The following OR4K1 variants were observed in gnomAD, a reference collection of about 807,000 sequenced individuals.
OR4K1 encodes olfactory receptor family 4 subfamily K member 1, also known as olfactory receptor 4K1.
Under a neutral mutation model 14.4 loss-of-function variants are expected in OR4K1, and 16 were observed. The ratio of observed to expected loss-of-function variants is 1.11; its 90% CI spans 0.75 to 1.68. The LOEUF (loss-of-function observed/expected upper bound fraction) is 1.68, where lower values mean the gene tolerates loss of function less well. OR4K1 is among the 40% of genes most tolerant of loss of function. The probability of loss-of-function intolerance (pLI) is 0.00; values close to 1 mark genes in which losing one functional copy is unlikely to be tolerated. For missense variants in OR4K1, 548 were observed against 376.9 expected (o/e 1.45, Z -3.76); for synonymous variants, 181 against 133.1 (o/e 1.36, Z -2.48).
upstream of OR4K1, among the ~76,000 whole-genome samples, chr14:19,929,992 T>C (rs1019823036): frequency 1.3e-5 from 2 of 152,210 alleles, no homozygotes; most frequent in Non-Finnish European, 2.9e-5. Flanking sequence ...TCGAACATAA[T>C]TTTACAATCT....
the OR4K1 span, chr14:19,921,777 TC>T: frequency 7.0e-6 from 4 of 569,402 alleles, no homozygotes; most frequent in East Asian, 1.5e-4. Context: ...GATTACTGGT[TC>T]TAGAAATAAA....
rs1882336483 is a variant in OR4K1 at position 19,936,655 on chromosome 14, A to T, written c.*53A>T. ...AATTAGAATGAAGACCCTCCAGTGT[A>T]TCATAGTGTCATGCCAACCATCTTT... On this transcript the variant is annotated 3_prime_UTR_variant, in exon 2 of 2. Coordinates refer to ENST00000641172, the MANE Select transcript of OR4K1 (RefSeq NM_001004063.3). 9 of 1,472,548 alleles carry T rather than the reference A, an allele frequency of 6.1e-6. No individual in the cohort carries two copies. The South Asian group carries it at 1.1e-4, about 18-fold the overall frequency. 91.2% of individuals were successfully genotyped at this position (1,472,548 alleles called of 1,614,324 possible).
intron 1 of OR4K1, among the ~76,000 whole-genome samples, chr14:19,933,822 T>C (rs1289456860): frequency 6.6e-6 from 1 of 152,186 alleles, no homozygotes; most frequent in Non-Finnish European, 1.5e-5. Flanking sequence ...CCTGACCTCG[T>C]GATCTGCCCA....
At chr14:19,921,724 C>A in the OR4K1 span, 2 of 862,854 alleles carry the variant, frequency 2.3e-6, no homozygotes, top group East Asian at 2.9e-5. Context: ...TTCTAGGTAT[C>A]AAGTGAAAGT....
rs1882175299 is a variant in OR4K1 at position 19,931,142 on chromosome 14, A to G, written c.-23A>G. 1 of 152,326 alleles carries G rather than the reference A, an allele frequency of 6.6e-6. No homozygotes were observed. Among genetic ancestry groups the G allele is most frequent in the South Asian group, 2.1e-4 (1 of 4,836 alleles). 9.4% of individuals were successfully genotyped at this position (152,326 alleles called of 1,614,324 possible). On this transcript the variant is annotated 5_prime_UTR_variant, in exon 1 of 2. Transcript: ENST00000641172. ...GTGAAAGACTTGGACAACTTTTTCA[A>G]AGTGTAAGTATTATACATTCATTGT...
At chr14:19,930,410 G>C (rs1010051455), upstream of OR4K1, among the ~76,000 whole-genome samples, 1 of 152,210 alleles carries the variant, frequency 6.6e-6, no homozygotes, top group East Asian at 1.9e-4. Context: ...TTTTGGGAAA[G>C]AAATTTATAT....
chr14:19,928,427 T>C (rs1299350385), upstream of OR4K1, among the ~76,000 whole-genome samples: 1 of 152,222 alleles, frequency 6.6e-6, no homozygotes, highest in Non-Finnish European at 1.5e-5. Context: ...TCTTCTTCTG[T>C]GACTTCAATT....
intron 1 of OR4K1, among the ~76,000 whole-genome samples, chr14:19,934,827 C>T (rs796492187): frequency 9.2e-5 from 14 of 152,288 alleles, no homozygotes; most frequent in African/African-American, 2.9e-4. Flanking sequence ...CCCACCACCA[C>T]GCCCGGCTAA....
chr14:19,922,015 C>T, the OR4K1 span, among the ~76,000 whole-genome samples: 8 of 152,096 alleles, frequency 5.3e-5, no homozygotes, highest in Admixed American at 5.2e-4. Context: ...AATAGCCAAA[C>T]TACAATTTAA....
At chr14:19,934,064 T>C (rs558892101) in intron 1 of OR4K1, among the ~76,000 whole-genome samples, 22 of 152,402 alleles carry the variant, frequency 1.4e-4, no homozygotes, top group African/African-American at 4.8e-4. Context: ...TTTTAAAATA[T>C]AAAATATTTA....
chr14:19,920,992 C>T, the OR4K1 span: 17 of 1,613,972 alleles, frequency 1.1e-5, no homozygotes, highest in African/African-American at 1.9e-4. Flanking sequence ...ATATGCAAAC[C>T]CTTATACTAT....
At chr14:19,924,772 C>G in the OR4K1 span, among the ~76,000 whole-genome samples, 1 of 152,208 alleles carries the variant, frequency 6.6e-6, no homozygotes. Context: ...ACTATTTCCA[C>G]AAATTTTTCA....
intron 1 of OR4K1, among the ~76,000 whole-genome samples, chr14:19,934,618 C>T (rs1324376654): frequency 6.6e-6 from 1 of 152,132 alleles, no homozygotes; most frequent in Non-Finnish European, 1.5e-5. Flanking sequence ...TTGGCTCTTC[C>T]TTCTCTATTA....
the OR4K1 span, chr14:19,921,394 C>A: frequency 6.8e-6 from 11 of 1,614,082 alleles, no homozygotes; most frequent in Admixed American, 1.8e-4. Context: ...TGGCCCTTTA[C>A]CATCTCTCCT....
chr14:19,925,709 G>A, the OR4K1 span, among the ~76,000 whole-genome samples: 17 of 152,260 alleles, frequency 1.1e-4, no homozygotes, highest in African/African-American at 3.4e-4. Context: ...GAAGCTGTTC[G>A]AAAGAGCTGA....
chr14:19,923,046 C>T, the OR4K1 span, among the ~76,000 whole-genome samples: 2 of 152,298 alleles, frequency 1.3e-5, no homozygotes, highest in Admixed American at 1.3e-4. Context: ...ACATATATTG[C>T]TTTTTATACT....
Position 19,935,760 on chromosome 14 carries a change from T to A in OR4K1, c.94T>A (p.Ser32Thr), listed in dbSNP as rs373027603. 11 of 1,614,042 alleles carry A rather than the reference T, an allele frequency of 6.8e-6. No homozygotes were observed. The highest frequency in any genetic ancestry group is 8.5e-6 in the Non-Finnish European group (10 of 1,179,994). The change falls in exon 2 of 2, where the codon TCT (serine) becomes ACT (threonine). Residue 32 changes from serine to threonine, a missense_variant. Coordinates refer to ENST00000641172, the MANE Select transcript of OR4K1 (RefSeq NM_001004063.3). ...TCAACTTTTCTTTTTTGCCATCTTC[T>A]CTATAGTCTATGTGACATCAGTGCT... ...GLQLFFFAIF[S>T]IVYVTSVLGN...
upstream of OR4K1, among the ~76,000 whole-genome samples, chr14:19,929,366 TG>T (rs1223464753): frequency 6.3e-3 from 40 of 6,332 alleles, no homozygotes; most frequent in African/African-American, 6.8e-3. Context: ...ACTCTGTGTG[TG>T]TGTGTGTGTG....
the OR4K1 span, chr14:19,920,513 C>T: frequency 3.5e-6 from 5 of 1,430,724 alleles, no homozygotes; most frequent in Admixed American, 4.7e-5. Flanking sequence ...ATCTCAGAAT[C>T]CCTCACCTTA....
Sources: gnomAD v4.1 joint callset for allele counts (sites outside exome capture counted in the v4.1 genomes callset) on GRCh38, gnomAD v4.1.1 for gene constraint, MANE v1.5 for transcripts, NCBI Gene and HGNC (gene_info 2026-07-23, HGNC 2026-07-21) for gene names.